ASPH: variants seen among roughly 807,000 people sequenced by gnomAD.
ASPH encodes aspartyl/asparaginyl beta-hydroxylase.
A neutral mutation model predicts 118.4 loss-of-function variants in ASPH; 100 were observed. The observed-to-expected ratio is 0.84, with a 90% confidence interval of 0.72 to 1.00. The LOEUF (loss-of-function observed/expected upper bound fraction) is 1.00, where lower values mean the gene tolerates loss of function less well. ASPH is among the 50% of genes least tolerant of loss of function. The pLI is 0.00. For synonymous variants in ASPH, 315 were observed against 325.6 expected (o/e 0.97, Z 0.35); for missense variants, 920 against 919.5 (o/e 1.00, Z -0.01).
intron 3 of ASPH, chr8:61,657,249 G>A (rs1442036899): frequency 1.3e-5 from 2 of 152,132 alleles, no homozygotes; most frequent in African/African-American, 2.4e-5. Context: ...CGTGTGTTTC[G>A]GGTAGGGAAC....
chr8:61,685,128 G>A (rs11775077), intron 1 of ASPH, among the ~76,000 whole-genome samples: 27,285 of 151,868 alleles, frequency 0.18, 2,580 homozygotes, highest in South Asian at 0.34. Flanking sequence ...TGATCCTCAC[G>A]GTGTCCTGCC....
At chr8:61,650,802 C>T (rs1463946391) in intron 5 of ASPH, among the ~76,000 whole-genome samples, 1 of 152,158 alleles carries the variant, frequency 6.6e-6, no homozygotes, top group Non-Finnish European at 1.5e-5. Flanking sequence ...TCAATCTGTT[C>T]ATTCTCATTT....
chr8:61,638,907 G>C (rs571929337), intron 10 of ASPH, among the ~76,000 whole-genome samples: 1 of 152,162 alleles, frequency 6.6e-6, no homozygotes, highest in Non-Finnish European at 1.5e-5. Context: ...GTGGCTCAAA[G>C]CTTCCTCAGT....
At chr8:61,594,439 A>C (rs1320083067) in intron 14 of ASPH, among the ~76,000 whole-genome samples, 2 of 152,230 alleles carry the variant, frequency 1.3e-5, no homozygotes, top group African/African-American at 2.4e-5. Flanking sequence ...GACCTGAAAC[A>C]AAACAGATGT....
chr8:61,653,138 G>C (rs984221451), intron 4 of ASPH, among the ~76,000 whole-genome samples: 3 of 152,100 alleles, frequency 2.0e-5, no homozygotes, highest in African/African-American at 7.2e-5. Context: ...GGGAGGTTTG[G>C]GAAGTCTTTT....
At chr8:61,676,080 G>A in intron 3 of ASPH, 13 of 1,599,276 alleles carry the variant, frequency 8.1e-6, no homozygotes, top group Non-Finnish European at 1.1e-5. Flanking sequence ...CAAGGTTACT[G>A]GTTATGTAAA....
intron 18 of ASPH, among the ~76,000 whole-genome samples, chr8:61,561,564 G>A (rs760184582): frequency 4.6e-5 from 7 of 152,268 alleles, no homozygotes; most frequent in East Asian, 1.9e-4. Flanking sequence ...GGAAAGTACC[G>A]CTTTGAGGAT....
chr8:61,674,499 C>T (rs1213954043), intron 3 of ASPH, among the ~76,000 whole-genome samples: 1 of 152,184 alleles, frequency 6.6e-6, no homozygotes, highest in African/African-American at 2.4e-5. Flanking sequence ...TTAATAGTCA[C>T]TTTAATAGTC....
chr8:61,666,848 T>G (rs879227444), intron 3 of ASPH, among the ~76,000 whole-genome samples: 2 of 152,322 alleles, frequency 1.3e-5, no homozygotes, highest in East Asian at 1.9e-4. Flanking sequence ...GATACTGGCA[T>G]TGCAAAAGTG....
intron 20 of ASPH, 66 bp downstream of exon 20, chr8:61,552,965 T>TTTTC: frequency 7.5e-7 from 1 of 1,331,716 alleles, no homozygotes; most frequent in Non-Finnish European, 1.1e-6. Context: ...CTAACTTTCC[T>TTTTC]AGAAATAATT....
intron 1 of ASPH, among the ~76,000 whole-genome samples, chr8:61,706,404 C>CAAAAAAAAAAAAAAAAAA (rs55731088): frequency 4.3e-5 from 3 of 70,558 alleles, no homozygotes; most frequent in African/African-American, 1.2e-4. Flanking sequence ...GGTCATGACT[C>CAAAAAAAAAAAAAAAAAA]AAAAAAAAAA....
In ASPH at chr8:61,502,886, GAAGTA is replaced by G. The variant is rs1805177725; in HGVS notation, c.*468_*472del. The G allele has an allele frequency of 6.6e-6, 1 of 152,264 alleles. No individual in the cohort carries two copies. Among genetic ancestry groups the G allele is most frequent in the Non-Finnish European group, 1.5e-5 (1 of 68,070 alleles). 9.4% of individuals were successfully genotyped at this position (152,264 alleles called of 1,614,324 possible). ...CAGTAATGCTACCATTAAATAGCTA[GAAGTA>G]AAGCATTTATACAGCTTGTCATTAA... On this transcript the variant is annotated 3_prime_UTR_variant, in exon 25 of 25. Coordinates refer to ENST00000379454, the MANE Select transcript of ASPH (RefSeq NM_004318.4).
chr8:61,609,110 G>C (rs1383043647), intron 14 of ASPH, among the ~76,000 whole-genome samples: 1 of 152,206 alleles, frequency 6.6e-6, no homozygotes, highest in South Asian at 2.1e-4. Context: ...TACACCACGA[G>C]TGCGGCTGCT....
rs867688266 is a variant in ASPH at position 61,669,357 on chromosome 8, C to A, written c.322+11611G>T. 4.6e-5 allele frequency among the ~76,000 whole-genome samples: 7 copies of A among 152,086 alleles called. No homozygotes were observed. The South Asian group carries it at 1.4e-3, about 32-fold the overall frequency. On this transcript the variant is annotated intron_variant, in intron 3 of 24. Transcript: ENST00000379454. Reference sequence around the variant, plus strand: ...TTATTTTGGTTGAAATATCAATATTCTTCAAAAATGTTATTAGTATCTCTT... The same window carrying A: ...TTATTTTGGTTGAAATATCAATATTATTCAAAAATGTTATTAGTATCTCTT...
rs1489233997 is a variant in ASPH at position 61,680,660 on chromosome 8, AT to A, written c.322+307del. ...TTACCATATCTAAAAACAGACTAGG[AT>A]ATTATCTATTCAAATTCTAAGTTCA... On this transcript the variant is annotated intron_variant, in intron 3 of 24. Coordinates refer to ENST00000379454, the MANE Select transcript of ASPH (RefSeq NM_004318.4). 4 of 185,720 alleles carry A rather than the reference AT, an allele frequency of 2.2e-5. No individual in the cohort carries two copies. The Admixed American group carries it at 2.5e-4, about 11-fold the overall frequency. The allele number at this position is 185,720 out of a possible 1,614,324, so 11.5% of individuals were successfully genotyped here. A position where few individuals can be genotyped will look rare whatever the true frequency, so the allele number is the denominator to read the frequency against.
chr8:61,691,129 T>C (rs1589241839), intron 1 of ASPH, among the ~76,000 whole-genome samples: 1 of 152,204 alleles, frequency 6.6e-6, no homozygotes, highest in Non-Finnish European at 1.5e-5. Context: ...ATGCCTGTTT[T>C]AGGGGCAGTT....
At chr8:61,663,187 C>A (rs1195965526) in intron 3 of ASPH, 7 of 985,334 alleles carry the variant, frequency 7.1e-6, no homozygotes, top group Non-Finnish European at 8.4e-6. Flanking sequence ...CTTCTTCTGT[C>A]CAGTTTTCAA....
intron 13 of ASPH, chr8:61,623,865 C>T (rs1851813659): frequency 6.6e-6 from 1 of 152,146 alleles, no homozygotes. Context: ...CCATTTGAAA[C>T]AACATGGATG....
intron 15 of ASPH, 87 bp from the exon 16 acceptor site, chr8:61,576,945 T>C: frequency 8.6e-7 from 1 of 1,168,856 alleles, no homozygotes; most frequent in Middle Eastern, 2.6e-4. Context: ...CAAGTGGTTT[T>C]GTCAGAGTTT....
Sources: allele counts gnomAD v4.1 joint callset (sites outside exome capture counted in the v4.1 genomes callset), GRCh38; gene constraint gnomAD v4.1.1; transcripts MANE v1.5; gene names NCBI Gene and HGNC (gene_info 2026-07-23, HGNC 2026-07-21).